RARA: variants seen among roughly 807,000 people sequenced by gnomAD.
The protein encoded by RARA is retinoic acid receptor alpha.
Under a neutral mutation model 42.8 loss-of-function variants are expected in RARA, and 5 were observed. The ratio of observed to expected loss-of-function variants is 0.12; its 90% CI spans 0.06 to 0.25. The LOEUF is 0.25. Ranked by LOEUF, RARA falls within the 10% of genes least tolerant of loss-of-function variation. The pLI is 1.00. For synonymous variants in RARA, 256 were observed against 259.5 expected, an observed-to-expected ratio of 0.99 and a Z score of 0.13; for missense variants, 402 against 628.7, an observed-to-expected ratio of 0.64 and a Z score of 3.86.
At chr17:40,340,385 T>C (rs2033995924) in intron 2 of RARA, among the ~76,000 whole-genome samples, 1 of 152,210 alleles carries the variant, frequency 6.6e-6, no homozygotes, top group East Asian at 1.9e-4. Flanking sequence ...CCAAAAGCCT[T>C]ACTGAGGCCT....
chr17:40,315,600 G>A (rs1046214591), intron 1 of RARA, among the ~76,000 whole-genome samples: 2 of 152,100 alleles, frequency 1.3e-5, no homozygotes, highest in Non-Finnish European at 2.9e-5. Flanking sequence ...TGGTCTTGGA[G>A]GGCCAATTGC....
chr17:40,317,687 C>G (rs2033242979), intron 1 of RARA, among the ~76,000 whole-genome samples: 1 of 151,254 alleles, frequency 6.6e-6, no homozygotes, highest in African/African-American at 2.4e-5. Context: ...GGGAGATCTA[C>G]TCCTGGACTC....
Position 40,355,857 on chromosome 17 carries a change from C to G in RARA, c.1172-152C>G, listed in dbSNP as rs963447052. ...TGCCACCAGCCTCTGGACCTGGGGG[C>G]TTAAGAGAGCTGGCTCGTGTCAAAG... On this transcript the variant is annotated intron_variant, in intron 8 of 8. Transcript: ENST00000254066. This position sits in a 1 kb window ranked among gnomAD's most constrained non-coding sequence, Gnocchi z 4.1. 3.9e-6 allele frequency: 3 copies of G among 768,210 alleles called. No individual in the cohort carries two copies. In the African/African-American group the frequency reaches 5.3e-5, roughly 14 times the overall value. 47.6% of individuals were successfully genotyped at this position (768,210 alleles called of 1,614,324 possible). A position where few individuals can be genotyped will look rare whatever the true frequency, so the allele number is the denominator to read the frequency against.
At chr17:40,347,613 A>G (rs1338143488) in intron 2 of RARA, among the ~76,000 whole-genome samples, 1 of 152,170 alleles carries the variant, frequency 6.6e-6, no homozygotes, top group African/African-American at 2.4e-5. Flanking sequence ...TTGTCATGCC[A>G]TCTCTCCCCA....
At chr17:40,310,775 A>G (rs948120812) in intron 1 of RARA, among the ~76,000 whole-genome samples, 1 of 152,134 alleles carries the variant, frequency 6.6e-6, no homozygotes, top group Non-Finnish European at 1.5e-5. Flanking sequence ...GCAAGCAGGG[A>G]CATTGCCACT....
chr17:40,336,234 T>C (rs2033846626), intron 2 of RARA, among the ~76,000 whole-genome samples: 1 of 151,902 alleles, frequency 6.6e-6, no homozygotes, highest in South Asian at 2.1e-4. Flanking sequence ...CCCGCCACTA[T>C]GCTGGACTAA....
At position 40,355,542 on chromosome 17, in the gene RARA, A is replaced by C. The variant is rs2034592812; in HGVS notation, c.1171+121A>C. 1 of 1,342,188 alleles carries C rather than the reference A, an allele frequency of 7.5e-7. No homozygotes were observed. The highest frequency in any genetic ancestry group is 1.5e-5 in the African/African-American group (1 of 67,738). The allele number at this position is 1,342,188 out of a possible 1,614,324, so 83.1% of individuals were successfully genotyped here. On this transcript the variant is annotated intron_variant, in intron 8 of 8. Transcript: ENST00000254066. The surrounding 1 kb of genome is among the most constrained non-coding windows in gnomAD (Gnocchi z 4.1). ...ACGACACCTGTCCCCATCTGTGTCT[A>C]GGCTGAGGTCCCCTAGTGACTCCAC...
chr17:40,343,112 T>G, intron 2 of RARA: 1 of 601,222 alleles, frequency 1.7e-6, no homozygotes. Context: ...TCAAGCAACA[T>G]TCCTTCATCT....
At chr17:40,350,771 G>A (rs964930188) in intron 4 of RARA, among the ~76,000 whole-genome samples, 2 of 151,906 alleles carry the variant, frequency 1.3e-5, no homozygotes, top group African/African-American at 4.8e-5. Context: ...GGAGGGGACT[G>A]GAGTGTCCTG....
intron 1 of RARA, among the ~76,000 whole-genome samples, chr17:40,325,607 G>A (rs1341776943): frequency 3.9e-5 from 6 of 152,334 alleles, no homozygotes; most frequent in African/African-American, 1.4e-4. Flanking sequence ...AGCTCCTGGC[G>A]GGACAGGGGT....
Position 40,357,300 on chromosome 17 carries a change from A to G in RARA, c.*1074A>G, listed in dbSNP as rs1395323263. 5.4e-5 allele frequency: 6 copies of G among 110,522 alleles called. No homozygotes were observed. The highest frequency in any genetic ancestry group is 4.7e-4 in the Admixed American group (4 of 8,588). 6.8% of individuals were successfully genotyped at this position (110,522 alleles called of 1,614,324 possible). ...CCCGGCCTCAGCCACCAGCACCCCC[A>G]TAGGGCCCCCAGACACCACACACAT... On this transcript the variant is annotated 3_prime_UTR_variant, in exon 9 of 9. Coordinates refer to ENST00000254066, the MANE Select transcript of RARA (RefSeq NM_000964.4).
intron 2 of RARA, among the ~76,000 whole-genome samples, chr17:40,344,063 C>T (rs2034168539): frequency 6.6e-6 from 1 of 151,676 alleles, no homozygotes; most frequent in African/African-American, 2.4e-5. Context: ...GACCTGCTGC[C>T]TCCCTCCTGC....
At chr17:40,314,998 G>A (rs546705592) in intron 1 of RARA, among the ~76,000 whole-genome samples, 1 of 151,816 alleles carries the variant, frequency 6.6e-6, no homozygotes, top group Non-Finnish European at 1.5e-5. Flanking sequence ...CCACTAAGGG[G>A]TGAAGGAAAA....
rs955898360 is a variant in RARA at position 40,355,149 on chromosome 17, G to C, written c.1013-114G>C. 28 of 1,318,120 alleles carry C rather than the reference G, an allele frequency of 2.1e-5. No individual in the cohort carries two copies. The highest frequency in any genetic ancestry group is 1.9e-4 in the African/African-American group (13 of 67,246). 81.7% of individuals were successfully genotyped at this position (1,318,120 alleles called of 1,614,324 possible). A position where few individuals can be genotyped will look rare whatever the true frequency, so the allele number is the denominator to read the frequency against. ...GACCCCATGCCCTGCCCTGTGTGGG[G>C]AGGCGCCTGCGAGCTGCCCTCCTCC... On this transcript the variant is annotated intron_variant, in intron 7 of 8. Transcript: ENST00000254066. This position sits in a 1 kb window ranked among gnomAD's most constrained non-coding sequence, Gnocchi z 4.1.
chr17:40,352,264 G>A lies in RARA; in HGVS notation c.631-67G>A. 1 of 1,536,714 alleles carries A rather than the reference G, an allele frequency of 6.5e-7. No individual in the cohort carries two copies. Among genetic ancestry groups the A allele is most frequent in the African/African-American group, 1.4e-5 (1 of 72,918 alleles). On this transcript the variant is annotated intron_variant, in intron 5 of 8. Coordinates refer to ENST00000254066, the MANE Select transcript of RARA (RefSeq NM_000964.4). This position sits in a 1 kb window ranked among gnomAD's most constrained non-coding sequence, Gnocchi z 4.9. The stretch of plus-strand genomic sequence containing the variant: ...AGGCTGGGTAGAGGGCAGGCCTGTG[G>A]GGGCTGGAGCCAGGCTGAGAAGGGG...
At chr17:40,332,389 A>G (rs114473940) in intron 2 of RARA, among the ~76,000 whole-genome samples, 199 of 152,248 alleles carry the variant, frequency 1.3e-3, no homozygotes, top group African/African-American at 4.5e-3. Flanking sequence ...CAGGGACTGC[A>G]CACCTTGCCC....
chr17:40,352,200 C>A lies in RARA; in HGVS notation c.630+130C>A, dbSNP rs1010580275. 2.0e-6 allele frequency: 3 copies of A among 1,495,104 alleles called. No individual in the cohort carries two copies. Among genetic ancestry groups the A allele is most frequent in the Non-Finnish European group, 2.7e-6 (3 of 1,128,920 alleles). 92.6% of individuals were successfully genotyped at this position (1,495,104 alleles called of 1,614,324 possible). A position where few individuals can be genotyped will look rare whatever the true frequency, so the allele number is the denominator to read the frequency against. On this transcript the variant is annotated intron_variant, in intron 5 of 8. Transcript: ENST00000254066. The surrounding 1 kb of genome is among the most constrained non-coding windows in gnomAD (Gnocchi z 4.9). Reference sequence around the variant, plus strand: ...CCTTCCCTTCCCCTCTCTTCTCCCTCCTCCTGCTGCCTCTTCCCAAGGAGC... The same window carrying A: ...CCTTCCCTTCCCCTCTCTTCTCCCTACTCCTGCTGCCTCTTCCCAAGGAGC...
chr17:40,315,165 T>C (rs539267585), intron 1 of RARA, among the ~76,000 whole-genome samples: 6,082 of 121,256 alleles, frequency 0.05, 812 homozygotes, highest in African/African-American at 0.23. Context: ...TATATATATA[T>C]ATATATACAC....
chr17:40,335,240 A>G (rs2033811023), intron 2 of RARA, among the ~76,000 whole-genome samples: 1 of 152,086 alleles, frequency 6.6e-6, no homozygotes, highest in Admixed American at 6.5e-5. Flanking sequence ...CTTAGGGCAC[A>G]GAGTGTTTAA....
Sources: gnomAD v4.1 joint callset for allele counts (sites outside exome capture counted in the v4.1 genomes callset) on GRCh38, gnomAD v4.1.1 for gene constraint, Gnocchi (gnomAD v3.1) non-coding constraint, MANE v1.5 for transcripts, NCBI Gene and HGNC (gene_info 2026-07-23, HGNC 2026-07-21) for gene names.